The following KIF3C variants were observed in gnomAD, a reference collection of about 807,000 sequenced individuals.
KIF3C encodes the protein kinesin family member 3C, also known as kinesin-like protein KIF3C.
KIF3C carries 12 observed loss-of-function variants against 67.7 expected under a neutral mutation model. The observed-to-expected ratio is 0.18, with a 90% CI of 0.11 to 0.29. The LOEUF is 0.29. KIF3C is among the 10% of genes least tolerant of loss of function. The probability of loss-of-function intolerance (pLI) is 1.00; values close to 1 mark genes in which losing one functional copy is unlikely to be tolerated. For synonymous variants in KIF3C, 393 were observed against 426.2 expected, an observed-to-expected ratio of 0.92 and a Z score of 0.96; for missense variants, 789 against 1,059.6, an observed-to-expected ratio of 0.74 and a Z score of 3.55.
chr2:25,931,771 G>C (rs1337068722), intron 5 of KIF3C, among the ~76,000 whole-genome samples: 1 of 151,934 alleles, frequency 6.6e-6, no homozygotes, highest in African/African-American at 2.4e-5. Flanking sequence ...CTGAGCAGCT[G>C]AGATTACAGG....
chr2:25,937,385 T>A (rs1006079317), intron 5 of KIF3C, among the ~76,000 whole-genome samples: 1 of 152,126 alleles, frequency 6.6e-6, no homozygotes, highest in Non-Finnish European at 1.5e-5. Flanking sequence ...CTGCTGACCC[T>A]CTCTATAGAT....
intron 5 of KIF3C, chr2:25,938,433 C>T (rs761446612): frequency 1.9e-5 from 7 of 361,876 alleles, no homozygotes; most frequent in South Asian, 4.2e-5. Flanking sequence ...GTGGGGGTTC[C>T]CCCCAAGGAC....
At chr2:25,943,549 A>C (rs1291555748) in intron 5 of KIF3C, among the ~76,000 whole-genome samples, 1 of 152,216 alleles carries the variant, frequency 6.6e-6, no homozygotes, top group Non-Finnish European at 1.5e-5. Context: ...TTCATATAAA[A>C]AATCCTAGAA....
intron 5 of KIF3C, among the ~76,000 whole-genome samples, chr2:25,947,011 C>A (rs965747069): frequency 2.0e-5 from 3 of 150,932 alleles, no homozygotes; most frequent in African/African-American, 7.3e-5. Context: ...AAAATTTAAC[C>A]AAGTGTGGTA....
Position 25,981,319 on chromosome 2 carries a change from T to TGGTTCCCCA in KIF3C, c.590_598dup (p.Leu197_Asn199dup). The TGGTTCCCCA allele has an allele frequency of 6.2e-7, 1 of 1,614,112 alleles. No individual in the cohort carries two copies. Among genetic ancestry groups the TGGTTCCCCA allele is most frequent in the Non-Finnish European group, 8.5e-7 (1 of 1,180,004 alleles). On this transcript the variant is annotated inframe_insertion, in exon 1 of 8. Coordinates refer to ENST00000264712, the MANE Select transcript of KIF3C (RefSeq NM_002254.8). The surrounding 1 kb of genome is among the most constrained non-coding windows in gnomAD (Gnocchi z 8.2). The stretch of plus-strand genomic sequence containing the variant: ...GTGGGTGCTGCCCACAGCCCGGGTC[T>TGGTTCCCCA]GGTTCCCCAGGTTCATCACATGCTC...
chr2:25,963,166 G>GTGTGTA (rs1231812625), intron 1 of KIF3C, among the ~76,000 whole-genome samples: 1 of 43,864 alleles, frequency 2.3e-5, no homozygotes, highest in African/African-American at 1.4e-4. Context: ...GTGTATGTAT[G>GTGTGTA]TGTGTGTGTA....
intron 5 of KIF3C, among the ~76,000 whole-genome samples, chr2:25,935,310 T>C (rs1379199048): frequency 1.3e-5 from 2 of 152,110 alleles, no homozygotes; most frequent in Non-Finnish European, 2.9e-5. Context: ...CCTAGGAACT[T>C]CACTAAGCAA....
chr2:25,981,169 C>A lies in KIF3C; in HGVS notation c.749G>T (p.Ser250Ile). Residue 250 changes from serine to isoleucine, a missense_variant, in exon 1 of 8, where the codon AGC becomes ATC. By Grantham distance (142) the Ser-to-Ile change is moderately radical (BLOSUM62 -2). This residue lies in a region of KIF3C where 648 missense variants were observed against 807.8 expected (regional missense o/e 0.80). Coordinates refer to ENST00000264712, the MANE Select transcript of KIF3C (RefSeq NM_002254.8). The surrounding 1 kb of genome is among the most constrained non-coding windows in gnomAD (Gnocchi z 8.2). ...GGGGCCTGCCTTGTTCTGCCTCTCG[C>A]TGCCAGCCAGGTCCACGAGGTTGAG... ...GKLNLVDLAG[S>I]ERQNKAGPNT... is the part of the protein sequence containing the mutation. The A allele has an allele frequency of 6.2e-7, 1 of 1,614,140 alleles. No individual in the cohort carries two copies. Among genetic ancestry groups the A allele is most frequent in the Non-Finnish European group, 8.5e-7 (1 of 1,180,042 alleles).
intron 6 of KIF3C, among the ~76,000 whole-genome samples, 164 bp downstream of exon 6, chr2:25,929,791 T>TA (rs138648504): frequency 0.22 from 32,897 of 151,742 alleles, 5,965 homozygotes; most frequent in East Asian, 0.89. Flanking sequence ...AATTTTTGTA[T>TA]TTTTAGTAGA....
rs1427273140 is a variant in KIF3C, at chr2:25,963,194, ATATTTT to A, written c.1546-6756_1546-6751del. On this transcript the variant is annotated intron_variant, in intron 1 of 7. Coordinates refer to ENST00000264712, the MANE Select transcript of KIF3C (RefSeq NM_002254.8). ...TGTGTGTATATATATATATATATAT[ATATTTT>A]TTTTTTTTTTTTTTTTTTTTTTAAA... is the stretch of plus-strand genomic sequence containing the variant. Among the ~76,000 whole-genome samples the A allele has an allele frequency of 2.7e-3, 144 of 52,762 alleles. 3 individuals are homozygous for A. Among genetic ancestry groups the A allele is most frequent in the African/African-American group, 0.018 (135 of 7,618 alleles). 34.6% of individuals were successfully genotyped at this position (52,762 alleles called of 152,430 possible).
rs771390485 is a variant in KIF3C, at chr2:25,981,825, C to T, written c.93G>A (p.Gln31=). 1 of 1,612,256 alleles carries T rather than the reference C, an allele frequency of 6.2e-7. No individual in the cohort carries two copies. Among genetic ancestry groups the T allele is most frequent in the East Asian group, 2.2e-5 (1 of 44,860 alleles). Residue 31 remains glutamine (Q), a synonymous_variant, in exon 1 of 8, where the codon CAG becomes CAA. Transcript: ENST00000264712. The surrounding 1 kb of genome is among the most constrained non-coding windows in gnomAD (Gnocchi z 8.2). ...CCAGTTTCACGTCCATGGTCAGGAT[C>T]TGCTCGTGACCAGCAGCCTCCTCCT... ...SRKEEAAGHE[Q]ILTMDVKLGQ...
intron 4 of KIF3C, 30 bp downstream of exon 4, chr2:25,954,237 A>C: frequency 2.0e-3 from 2,717 of 1,360,586 alleles, no homozygotes; most frequent in Non-Finnish European, 2.6e-3. Context: ...GGCTGTGGGG[A>C]CCCGGGATGA....
intron 5 of KIF3C, among the ~76,000 whole-genome samples, chr2:25,946,624 G>A (rs1250092490): frequency 6.6e-6 from 1 of 152,170 alleles, no homozygotes; most frequent in East Asian, 1.9e-4. Flanking sequence ...GGAGGCGGAG[G>A]TTGCAGTGAG....
rs1207955604 is a variant in KIF3C at position 25,962,018 on chromosome 2, C to T, written c.1546-5574G>A. On this transcript the variant is annotated intron_variant, in intron 1 of 7. Coordinates refer to ENST00000264712, the MANE Select transcript of KIF3C (RefSeq NM_002254.8). ...TAAGAGGATAAGTCTGGAAATGAAACAATCAAAACTGGGGATGAAAAGGAA... is the reference window on the plus strand; with the variant it reads ...TAAGAGGATAAGTCTGGAAATGAAATAATCAAAACTGGGGATGAAAAGGAA... Among the ~76,000 whole-genome samples the T allele has an allele frequency of 4.7e-5, 7 of 150,506 alleles. No individual in the cohort carries two copies. The South Asian group carries it at 1.5e-3, about 32-fold the overall frequency.
chr2:25,957,185 C>T (rs879495465), intron 1 of KIF3C, among the ~76,000 whole-genome samples: 1 of 152,140 alleles, frequency 6.6e-6, no homozygotes, highest in African/African-American at 2.4e-5. Context: ...TTCCATCCCC[C>T]CCTAAGAGGG....
rs758368116 is a variant in KIF3C, at chr2:25,955,520, G to A, written c.1770+21C>T. 1.7e-5 allele frequency: 27 copies of A among 1,613,320 alleles called. No individual in the cohort carries two copies. The highest frequency in any genetic ancestry group is 5.3e-5 in the African/African-American group (4 of 74,864). ...GCTGGGCCTCCAGCACACCTTAACC[G>A]GTCCTGCTGCAGCGTCTCACCTTCT... On this transcript the variant is annotated intron_variant, in intron 3 of 7. Coordinates refer to ENST00000264712, the MANE Select transcript of KIF3C (RefSeq NM_002254.8). This position sits in a 1 kb window ranked among gnomAD's most constrained non-coding sequence, Gnocchi z 5.0.
At chr2:25,947,319 T>C (rs753773064) in intron 5 of KIF3C, among the ~76,000 whole-genome samples, 31 of 152,070 alleles carry the variant, frequency 2.0e-4, no homozygotes, top group Non-Finnish European at 3.7e-4. Flanking sequence ...CAGTGGCTTG[T>C]GCCTGTAATC....
rs756957880 is a variant in KIF3C, at chr2:25,981,252, G to A, written c.666C>T (p.Ile222=). 3.1e-6 allele frequency: 5 copies of A among 1,614,224 alleles called. No individual in the cohort carries two copies. In the South Asian group the frequency reaches 5.5e-5, roughly 18 times the overall value. Residue 222 remains isoleucine (I), a synonymous_variant, in exon 1 of 8, where the codon ATC becomes ATT. Transcript: ENST00000264712. This position sits in a 1 kb window ranked among gnomAD's most constrained non-coding sequence, Gnocchi z 8.2. ...AGCCACGTTCGCTGCACTCCACAGT[G>A]ATGATGAAGATGGCATGGGAGCGGG... The part of the protein sequence containing the change: ...VSSRSHAIFI[I]TVECSERGSD...
Position 25,980,801 on chromosome 2 carries a change from C to T in KIF3C, c.1117G>A (p.Glu373Lys), listed in dbSNP as rs764354499. 2.5e-6 allele frequency: 4 copies of T among 1,614,180 alleles called. No individual in the cohort carries two copies. Among genetic ancestry groups the T allele is most frequent in the Admixed American group, 1.7e-5 (1 of 60,014 alleles). ...CGCAGCAGTGTGTCCTTGGGGTCCT[C>T]GTTCACCCGGGGCTTGTTCTTGATG... is the stretch of plus-strand genomic sequence containing the variant. ...KNIKNKPRVN[E>K]DPKDTLLREF... The change falls in exon 1 of 8, where the codon GAG (glutamate) becomes AAG (lysine). Residue 373 changes from glutamate (E) to lysine (K), a missense_variant. By Grantham distance (56) the Glu-to-Lys change is moderately conservative (BLOSUM62 1). Coordinates refer to ENST00000264712, the MANE Select transcript of KIF3C (RefSeq NM_002254.8). This position sits in a 1 kb window ranked among gnomAD's most constrained non-coding sequence, Gnocchi z 7.6.
Sources: gnomAD v4.1 joint callset for allele counts (sites outside exome capture counted in the v4.1 genomes callset) on GRCh38, gnomAD v4.1.1 for gene constraint, gnomAD v4.1.1 regional missense constraint, Gnocchi (gnomAD v3.1) non-coding constraint, MANE v1.5 for transcripts, NCBI Gene and HGNC (gene_info 2026-07-23, HGNC 2026-07-21) for gene names.